ACER1: variants seen among roughly 807,000 people sequenced by gnomAD.
The protein encoded by ACER1 is alkaline ceramidase 1, also known as CTB-180A7.3.
ACER1 carries 28 observed loss-of-function variants against 24.9 expected under a neutral mutation model. The ratio of observed to expected loss-of-function variants is 1.13; its 90% CI spans 0.83 to 1.54. The LOEUF is 1.54. Among genes scored for constraint, ACER1 ranks in the 40% most tolerant of loss-of-function variants. The probability of loss-of-function intolerance (pLI) is 0.00; values close to 1 mark genes in which losing one functional copy is unlikely to be tolerated. For missense variants in ACER1, 352 were observed against 349.3 expected (o/e 1.01, Z -0.06); for synonymous variants, 132 against 131.4 (o/e 1.00, Z -0.03).
chr19:6,325,728 C>T (rs781334428), intron 1 of ACER1, among the ~76,000 whole-genome samples: 1 of 152,050 alleles, frequency 6.6e-6, no homozygotes, highest in Non-Finnish European at 1.5e-5. Context: ...GGCGTGGTGG[C>T]TCATGCCTGT....
the ACER1 span, among the ~76,000 whole-genome samples, chr19:6,339,298 A>G: frequency 1.3e-5 from 2 of 152,344 alleles, no homozygotes; most frequent in East Asian, 3.9e-4. Flanking sequence ...AAGGAAGGAA[A>G]TTCTGATACA....
At chr19:6,322,163 T>C (rs1322855794) in intron 1 of ACER1, among the ~76,000 whole-genome samples, 3 of 152,172 alleles carry the variant, frequency 2.0e-5, no homozygotes, top group African/African-American at 7.2e-5. Flanking sequence ...CATGTAATTA[T>C]CCAACTTACG....
chr19:6,311,038 C>T (rs777519603), intron 3 of ACER1, among the ~76,000 whole-genome samples: 4 of 151,614 alleles, frequency 2.6e-5, no homozygotes, highest in East Asian at 1.9e-4. Context: ...TCCCAGGGAG[C>T]CTGGGAGAGC....
At chr19:6,330,436 G>C (rs2091681580) in intron 1 of ACER1, among the ~76,000 whole-genome samples, 1 of 150,292 alleles carries the variant, frequency 6.7e-6, no homozygotes. Context: ...CCAAAGTGCT[G>C]GGATTACAGG....
intron 4 of ACER1, among the ~76,000 whole-genome samples, chr19:6,309,083 C>T (rs1030310394): frequency 6.6e-6 from 1 of 152,052 alleles, no homozygotes; most frequent in African/African-American, 2.4e-5. Context: ...CCTGTACTCC[C>T]AGCTGCTCGG....
chr19:6,346,610 G>T, the ACER1 span, among the ~76,000 whole-genome samples: 2 of 148,284 alleles, frequency 1.3e-5, no homozygotes, highest in Non-Finnish European at 3.0e-5. Context: ...TCAATCTCCT[G>T]GCTGGAGCAA....
intron 4 of ACER1, among the ~76,000 whole-genome samples, chr19:6,308,716 A>G (rs571037831): frequency 7.7e-4 from 117 of 152,272 alleles, no homozygotes; most frequent in African/African-American, 2.6e-3. Context: ...CAGCAAGAAT[A>G]ATATATTTTT....
At chr19:6,319,392 C>T (rs541688897) in intron 1 of ACER1, among the ~76,000 whole-genome samples, 1 of 152,274 alleles carries the variant, frequency 6.6e-6, no homozygotes, top group East Asian at 1.9e-4. Context: ...GGGGGAGACA[C>T]CTGTCTGGGA....
chr19:6,322,375 A>T (rs1404055568), intron 1 of ACER1, among the ~76,000 whole-genome samples: 2 of 152,170 alleles, frequency 1.3e-5, no homozygotes, highest in South Asian at 2.1e-4. Context: ...AAGACAAAAT[A>T]TGTAGCAGAA....
intron 1 of ACER1, among the ~76,000 whole-genome samples, chr19:6,315,186 T>C (rs2091597325): frequency 7.6e-6 from 1 of 132,030 alleles, no homozygotes. Context: ...CCCGGCCTTA[T>C]TTATTTATAT....
intron 1 of ACER1, among the ~76,000 whole-genome samples, chr19:6,327,513 C>T (rs1276149384): frequency 1.3e-5 from 2 of 151,416 alleles, no homozygotes; most frequent in Admixed American, 6.6e-5. Context: ...TGCAGTGAGC[C>T]GAGATCAGGC....
At chr19:6,357,633 G>C in the ACER1 span, among the ~76,000 whole-genome samples, 2 of 150,278 alleles carry the variant, frequency 1.3e-5, no homozygotes, top group Non-Finnish European at 2.9e-5. Context: ...TTATCTGGGC[G>C]TGATGGTGGG....
chr19:6,313,428 TA>T (rs2091590865), intron 1 of ACER1, among the ~76,000 whole-genome samples: 1 of 152,202 alleles, frequency 6.6e-6, no homozygotes, highest in African/African-American at 2.4e-5. Flanking sequence ...CCTTTTCCTG[TA>T]AAAATAGTAT....
At chr19:6,329,995 C>T (rs1445414073) in intron 1 of ACER1, among the ~76,000 whole-genome samples, 5 of 151,212 alleles carry the variant, frequency 3.3e-5, no homozygotes, top group African/African-American at 1.2e-4. Context: ...CTCAGCCTCC[C>T]GAGTAGCTGG....
At chr19:6,335,886 C>CT (rs936711760), upstream of ACER1, among the ~76,000 whole-genome samples, 5 of 148,732 alleles carry the variant, frequency 3.4e-5, no homozygotes, top group African/African-American at 5.0e-5. Context: ...TTTTCTTTTT[C>CT]TTTTTTTTCT....
the ACER1 span, among the ~76,000 whole-genome samples, chr19:6,359,497 T>C: frequency 6.6e-6 from 1 of 151,966 alleles, no homozygotes; most frequent in Non-Finnish European, 1.5e-5. Flanking sequence ...TTTGTATTTT[T>C]AATAGAGACG....
chr19:6,359,506 C>T, the ACER1 span, among the ~76,000 whole-genome samples: 2 of 151,912 alleles, frequency 1.3e-5, no homozygotes, highest in African/African-American at 4.8e-5. Flanking sequence ...TTAATAGAGA[C>T]GGAGTTTCAC....
At chr19:6,341,706 A>G in the ACER1 span, among the ~76,000 whole-genome samples, 1 of 151,954 alleles carries the variant, frequency 6.6e-6, no homozygotes. Flanking sequence ...TCCACTCACC[A>G]CAACCTCTGA....
At chr19:6,317,668 A>T (rs2091610204) in intron 1 of ACER1, among the ~76,000 whole-genome samples, 1 of 152,222 alleles carries the variant, frequency 6.6e-6, no homozygotes, top group African/African-American at 2.4e-5. Context: ...CTAAACTCTT[A>T]AACTTGGCGT....
Sources: allele counts gnomAD v4.1 joint callset (sites outside exome capture counted in the v4.1 genomes callset), GRCh38; gene constraint gnomAD v4.1.1; transcripts MANE v1.5; gene names NCBI Gene and HGNC (gene_info 2026-07-23, HGNC 2026-07-21).